Variants in DAB1 observed in about 807,000 individuals in gnomAD.
The protein encoded by DAB1 is disabled homolog 1.
Under a neutral mutation model 64.6 loss-of-function variants are expected in DAB1, and 15 were observed. The ratio of observed to expected loss-of-function variants is 0.23; its 90% confidence interval spans 0.16 to 0.36. The LOEUF is 0.36. Ranked by LOEUF, DAB1 falls within the 10% of genes least tolerant of loss-of-function variation. The pLI is 1.00. For synonymous variants in DAB1, 235 were observed against 251.9 expected, an observed-to-expected ratio of 0.93 and a Z score of 0.64; for missense variants, 596 against 706.7, an observed-to-expected ratio of 0.84 and a Z score of 1.78.
intron 2 of DAB1, among the ~76,000 whole-genome samples, chr1:57,277,743 G>A (rs116141744): frequency 1.3e-5 from 2 of 152,252 alleles, no homozygotes; most frequent in African/African-American, 2.4e-5. Flanking sequence ...ATTTTTCATT[G>A]TTGGAGATAA....
chr1:57,760,594 A>C (rs1649032952), intron 6 of DAB1, among the ~76,000 whole-genome samples: 2 of 144,182 alleles, frequency 1.4e-5, no homozygotes, highest in South Asian at 2.2e-4. Flanking sequence ...TTTCTCTCTC[A>C]ACTTCTTTCT....
At chr1:57,036,650 A>G (rs761202106) in intron 9 of DAB1, among the ~76,000 whole-genome samples, 12 of 152,184 alleles carry the variant, frequency 7.9e-5, no homozygotes, top group Non-Finnish European at 1.5e-4. Flanking sequence ...GATTTTTTTC[A>G]TACTATCATA....
At chr1:57,500,437 T>A (rs1381956115) in intron 7 of DAB1, among the ~76,000 whole-genome samples, 1 of 152,120 alleles carries the variant, frequency 6.6e-6, no homozygotes, top group Non-Finnish European at 1.5e-5. Flanking sequence ...ATCCCAAGAG[T>A]TCTTCTCAAT....
At chr1:57,917,101 C>G (rs1644738000) in intron 5 of DAB1, among the ~76,000 whole-genome samples, 1 of 152,138 alleles carries the variant, frequency 6.6e-6, no homozygotes, top group Non-Finnish European at 1.5e-5. Context: ...GAAGGAATGG[C>G]CCCTGTCAGC....
At chr1:57,551,912 G>A (rs955486080) in intron 7 of DAB1, among the ~76,000 whole-genome samples, 1 of 152,138 alleles carries the variant, frequency 6.6e-6, no homozygotes, top group Non-Finnish European at 1.5e-5. Flanking sequence ...ATGTTCTAAG[G>A]CAGGCTTTGG....
In DAB1 at chr1:58,349,393, A is replaced by G. The variant is rs556638477; in HGVS notation, n.258-5990T>C. 2.6e-5 allele frequency among the ~76,000 whole-genome samples: 4 copies of G among 152,224 alleles called. No homozygotes were observed. In the East Asian group the frequency reaches 7.7e-4, roughly 29 times the overall value. On this transcript the variant is annotated intron_variant and non_coding_transcript_variant, in intron 3 of 20. Coordinates refer to the DAB1 transcript ENST00000485760. ...GCTGGTAGCTATTTGAGCCCTGTCC[A>G]AAAGAGAAGTTCTCTAGTTCAACAT...
At chr1:57,736,039 C>T (rs947368949) in intron 6 of DAB1, among the ~76,000 whole-genome samples, 7 of 151,974 alleles carry the variant, frequency 4.6e-5, no homozygotes, top group Non-Finnish European at 1.0e-4. Flanking sequence ...ATATCAATAT[C>T]TAAGTTTAAA....
intron 7 of DAB1, among the ~76,000 whole-genome samples, chr1:57,476,161 G>T (rs1460032065): frequency 6.6e-6 from 1 of 151,478 alleles, no homozygotes; most frequent in African/African-American, 2.4e-5. Context: ...GGGAGGTGGA[G>T]GTTGCAGTGA....
intron 6 of DAB1, among the ~76,000 whole-genome samples, chr1:57,654,714 G>C (rs113579945): frequency 1.4e-5 from 2 of 146,762 alleles, no homozygotes; most frequent in African/African-American, 5.1e-5. Context: ...ATAACTAACT[G>C]TTTCATTTAT....
intron 2 of DAB1, among the ~76,000 whole-genome samples, chr1:57,277,584 T>C (rs1300407702): frequency 6.6e-6 from 1 of 152,180 alleles, no homozygotes; most frequent in African/African-American, 2.4e-5. Flanking sequence ...CAACCTGATT[T>C]CAGCTCTCAT....
chr1:57,126,422 T>C (rs1194644506), intron 4 of DAB1, among the ~76,000 whole-genome samples: 1 of 152,124 alleles, frequency 6.6e-6, no homozygotes, highest in African/African-American at 2.4e-5. Flanking sequence ...GGGCACCCCC[T>C]CACTGGCTGA....
intron 6 of DAB1, among the ~76,000 whole-genome samples, chr1:57,799,120 G>A (rs140325057): frequency 0.011 from 1,651 of 152,178 alleles, 28 homozygotes; most frequent in Non-Finnish European, 0.015. Context: ...GCGTTTCTTC[G>A]GCTGCAAAAT....
chr1:57,925,568 A>C lies in DAB1; in HGVS notation n.388-41406T>G, dbSNP rs149938443. Among the ~76,000 whole-genome samples the C allele has an allele frequency of 1.0e-3, 157 of 152,330 alleles. 1 individual carries two copies. The highest frequency in any genetic ancestry group is 3.6e-3 in the African/African-American group (148 of 41,568). On this transcript the variant is annotated intron_variant and non_coding_transcript_variant, in intron 5 of 20. Transcript: ENST00000485760. ...CAGAGCACAGACATTGCTCTCACAG[A>C]GTTTCAGACTAGAAAATACAAGTTC...
At chr1:58,233,566 CTAAT>C (rs1249255764) in intron 4 of DAB1, among the ~76,000 whole-genome samples, 1 of 152,208 alleles carries the variant, frequency 6.6e-6, no homozygotes, top group Admixed American at 6.5e-5. Flanking sequence ...CATTCTCTCT[CTAAT>C]TCTCATGATA....
chr1:57,964,940 A>G lies in DAB1; in HGVS notation n.388-80778T>C, dbSNP rs753631000. 3.3e-5 allele frequency among the ~76,000 whole-genome samples: 5 copies of G among 150,964 alleles called. No individual in the cohort carries two copies. In the South Asian group the frequency reaches 8.5e-4, roughly 26 times the overall value. ...ATTTGCTGGGGGAATATTGAGAAATAGACAGTTCCTGGCAACTGCAGGAAC... is the reference window on the plus strand; with the variant it reads ...ATTTGCTGGGGGAATATTGAGAAATGGACAGTTCCTGGCAACTGCAGGAAC... On this transcript the variant is annotated intron_variant and non_coding_transcript_variant, in intron 5 of 20. Coordinates refer to the DAB1 transcript ENST00000485760.
intron 4 of DAB1, among the ~76,000 whole-genome samples, chr1:58,284,877 A>T (rs1168788702): frequency 6.6e-6 from 1 of 152,224 alleles, no homozygotes; most frequent in African/African-American, 2.4e-5. Context: ...ACACCTTCTG[A>T]CTGCTTGAGG....
rs183479456 is a variant in DAB1, at chr1:57,605,299, T to C, written n.625+44293A>G. ...ATTATCATTTATCTCCACATTCTTC[T>C]AGGGTGTTGGTGTTGCTTGTAGCAG... On this transcript the variant is annotated intron_variant and non_coding_transcript_variant, in intron 7 of 20. Coordinates refer to the DAB1 transcript ENST00000485760. Among the ~76,000 whole-genome samples, 124 of 152,320 alleles carry C rather than the reference T, an allele frequency of 8.1e-4. 1 individual carries two copies. Among genetic ancestry groups the C allele is most frequent in the Admixed American group, 1.2e-3 (19 of 15,302 alleles).
intron 3 of DAB1, among the ~76,000 whole-genome samples, chr1:58,371,160 G>T (rs1352731193): frequency 6.6e-6 from 1 of 152,212 alleles, no homozygotes; most frequent in Non-Finnish European, 1.5e-5. Context: ...AATGCTGATA[G>T]TGATATGGAC....
At chr1:58,099,046 G>T (rs528134051) in intron 5 of DAB1, among the ~76,000 whole-genome samples, 4 of 152,264 alleles carry the variant, frequency 2.6e-5, no homozygotes, top group African/African-American at 9.6e-5. Flanking sequence ...CTCAGAAATG[G>T]GTGTTTCAAG....
Sources: allele counts gnomAD v4.1 joint callset (sites outside exome capture counted in the v4.1 genomes callset), GRCh38; gene constraint gnomAD v4.1.1; transcripts MANE v1.5; gene names NCBI Gene and HGNC (gene_info 2026-07-23, HGNC 2026-07-21).